SASH1: variants seen among roughly 807,000 people sequenced by gnomAD.
SASH1 encodes the protein SAM and SH3 domain containing 1.
In SASH1, 44 loss-of-function variants were observed where a neutral mutation model predicts 125.2. The observed-to-expected ratio is 0.35, with a 90% CI of 0.28 to 0.45. The LOEUF (loss-of-function observed/expected upper bound fraction) is 0.45, where lower values mean the gene tolerates loss of function less well. Ranked by LOEUF, SASH1 falls within the 20% of genes least tolerant of loss-of-function variation. The pLI is 1.00. For missense variants in SASH1, 1,426 were observed against 1,614.5 expected, an observed-to-expected ratio of 0.88 and a Z score of 2.00; for synonymous variants, 639 against 649.1, an observed-to-expected ratio of 0.98 and a Z score of 0.24.
intron 1 of SASH1, among the ~76,000 whole-genome samples, chr6:148,326,074 C>T (rs1780786532): frequency 6.7e-6 from 1 of 149,082 alleles, no homozygotes; most frequent in African/African-American, 2.5e-5. Context: ...GTCACCCAGG[C>T]TGGAGTGTAA....
intron 8 of SASH1, chr6:148,512,665 A>C: frequency 1.0e-6 from 1 of 984,890 alleles, no homozygotes. Context: ...AATTGTCAGC[A>C]TCCAGTGTAG....
At chr6:148,354,742 T>TA (rs1781860782) in intron 1 of SASH1, among the ~76,000 whole-genome samples, 1 of 152,174 alleles carries the variant, frequency 6.6e-6, no homozygotes, top group Admixed American at 6.6e-5. Flanking sequence ...CTGTAATGAA[T>TA]AAACCTGCCA....
chr6:148,471,535 CT>C, intron 6 of SASH1, 32 bp downstream of exon 6: 2 of 1,279,436 alleles, frequency 1.6e-6, no homozygotes, highest in Non-Finnish European at 2.3e-6. Context: ...ACAGTAGGTC[CT>C]TTTAGCTCTA....
In SASH1 at chr6:148,543,722, C is replaced by A. The variant is rs1490689661; in HGVS notation, c.2252C>A (p.Thr751Asn). ...KASLLSAKSSTEPSLKSFSRN... is the reference protein window; with the variant it reads ...KASLLSAKSSNEPSLKSFSRN... ...AGCCTCCTATCTGCCAAGTCATCCA[C>A]CGAGCCCAGCTTGAAGTCTTTTAGC... Residue 751 changes from threonine (T) to asparagine (N), a missense_variant, in exon 18 of 20, where the codon ACC becomes AAC. Transcript: ENST00000367467. 6.3e-7 allele frequency: 1 copy of A among 1,579,522 alleles called. No homozygotes were observed. Among genetic ancestry groups the A allele is most frequent in the East Asian group, 2.3e-5 (1 of 44,428 alleles).
At chr6:148,328,202 A>C (rs1651718969) in intron 1 of SASH1, among the ~76,000 whole-genome samples, 1 of 152,142 alleles carries the variant, frequency 6.6e-6, no homozygotes, top group Admixed American at 6.6e-5. Context: ...GTGCCTGGCT[A>C]TTTTATGGTA....
At chr6:148,229,149 A>AAC in the SASH1 span, among the ~76,000 whole-genome samples, 1 of 143,716 alleles carries the variant, frequency 7.0e-6, no homozygotes, top group East Asian at 2.0e-4. Context: ...AAAAAAAAAA[A>AAC]AAAAAAAACA....
intron 2 of SASH1, among the ~76,000 whole-genome samples, chr6:148,395,117 AT>A (rs1392635001): frequency 6.6e-6 from 1 of 152,232 alleles, no homozygotes; most frequent in Non-Finnish European, 1.5e-5. Context: ...AGAAAAAGTC[AT>A]TTTAGAAGAC....
At chr6:148,202,138 T>A in the SASH1 span, among the ~76,000 whole-genome samples, 3 of 152,056 alleles carry the variant, frequency 2.0e-5, no homozygotes, top group Non-Finnish European at 2.9e-5. Flanking sequence ...GTTTTTTTTT[T>A]AATTATCTGT....
intron 11 of SASH1, 117 bp downstream of exon 11, chr6:148,525,482 AGTCACGTTTG>A: frequency 5.8e-6 from 5 of 858,930 alleles, no homozygotes; most frequent in Admixed American, 5.7e-5. Flanking sequence ...GGTAATCCTG[AGTCACGTTTG>A]GAAAAAAGCT....
intron 1 of SASH1, among the ~76,000 whole-genome samples, chr6:148,352,996 A>C (rs570950315): frequency 6.6e-6 from 1 of 152,276 alleles, no homozygotes; most frequent in Admixed American, 6.5e-5. Flanking sequence ...AGTTATTATT[A>C]ACTACTAACA....
intron 1 of SASH1, among the ~76,000 whole-genome samples, chr6:148,349,724 A>G (rs1254136026): frequency 6.6e-6 from 1 of 152,146 alleles, no homozygotes; most frequent in Non-Finnish European, 1.5e-5. Context: ...CACTTTGTAC[A>G]GTCTCTAAAG....
At chr6:148,327,362 GCAAC>G (rs1780858618) in intron 1 of SASH1, among the ~76,000 whole-genome samples, 1 of 149,488 alleles carries the variant, frequency 6.7e-6, no homozygotes. Flanking sequence ...TCGGCTCACT[GCAAC>G]CTCCGCCTCC....
At position 148,544,140 on chromosome 6, in the gene SASH1, T is replaced by C. The variant is rs1369769078; in HGVS notation, c.2670T>C (p.Asn890=). 6.2e-7 allele frequency: 1 copy of C among 1,613,940 alleles called. No individual in the cohort carries two copies. The highest frequency in any genetic ancestry group is 1.3e-5 in the African/African-American group (1 of 74,892). The change falls in exon 18 of 20, where the codon AAT becomes AAC. Residue 890 remains asparagine (N), a synonymous_variant. Transcript: ENST00000367467. The surrounding 1 kb of genome is among the most constrained non-coding windows in gnomAD (Gnocchi z 6.4). ...TGGAGCAAGACTCTGCTGTCGACAA[T>C]GCATTGCTACTGACCCAAAGCAAGA... The part of the protein sequence containing the change: ...QPLEQDSAVD[N]ALLLTQSKRF...
chr6:148,501,254 TG>T (rs1369541236), intron 8 of SASH1, among the ~76,000 whole-genome samples: 2 of 152,202 alleles, frequency 1.3e-5, no homozygotes, highest in Admixed American at 6.5e-5. Context: ...GAAGTCATCG[TG>T]CCTGATACAT....
At chr6:148,274,613 G>A (rs76316188) in intron 1 of SASH1, among the ~76,000 whole-genome samples, 8 of 152,178 alleles carry the variant, frequency 5.3e-5, no homozygotes, top group Non-Finnish European at 7.4e-5. Context: ...TAGGAATATC[G>A]TTCCTGTCCT....
chr6:148,424,800 G>C (rs948355816), intron 2 of SASH1, among the ~76,000 whole-genome samples: 2 of 152,182 alleles, frequency 1.3e-5, no homozygotes, highest in African/African-American at 4.8e-5. Flanking sequence ...ACTAGAAGCA[G>C]CTCTGAGCAG....
chr6:148,398,962 C>T (rs546198173), intron 2 of SASH1, among the ~76,000 whole-genome samples: 1 of 152,182 alleles, frequency 6.6e-6, no homozygotes, highest in African/African-American at 2.4e-5. Flanking sequence ...ACTATGGGAA[C>T]GTGGACATCA....
chr6:148,412,714 G>A (rs1271826378), intron 2 of SASH1, among the ~76,000 whole-genome samples: 1 of 152,042 alleles, frequency 6.6e-6, no homozygotes, highest in Non-Finnish European at 1.5e-5. Context: ...TCTTCATGAG[G>A]GATCCACCCC....
rs1014055540 is a variant in SASH1, at chr6:148,393,277, C to T, written c.285+3015C>T. ...GTTTCTCCATGTTGGTCAGGCTGGT[C>T]TCAAACTCCTGACCTCAGGTGATCT... On this transcript the variant is annotated intron_variant, in intron 2 of 19. Coordinates refer to ENST00000367467, the MANE Select transcript of SASH1 (RefSeq NM_015278.5). Among the ~76,000 whole-genome samples the T allele has an allele frequency of 1.4e-3, 203 of 147,292 alleles. 2 individuals are homozygous for T. The highest frequency in any genetic ancestry group is 0.014 in the Admixed American group (200 of 14,646).
Sources: gnomAD v4.1 joint callset for allele counts (sites outside exome capture counted in the v4.1 genomes callset) on GRCh38, gnomAD v4.1.1 for gene constraint, Gnocchi (gnomAD v3.1) non-coding constraint, MANE v1.5 for transcripts, NCBI Gene and HGNC (gene_info 2026-07-23, HGNC 2026-07-21) for gene names.